Variants in SLC20A2 observed in about 807,000 individuals in gnomAD.
The protein encoded by SLC20A2 is solute carrier family 20 member 2.
A neutral mutation model predicts 61.0 loss-of-function variants in SLC20A2; 30 were observed. The observed-to-expected ratio is 0.49, with a 90% CI of 0.37 to 0.67. The LOEUF (loss-of-function observed/expected upper bound fraction) is 0.67. SLC20A2 is among the 30% of genes least tolerant of loss of function. The pLI, the probability that SLC20A2 is intolerant of heterozygous loss-of-function variation, is 0.00. For missense variants in SLC20A2, 626 were observed against 866.4 expected (o/e 0.72, Z 3.48); for synonymous variants, 351 against 353.3 (o/e 0.99, Z 0.07).
intron 3 of SLC20A2, among the ~76,000 whole-genome samples, chr8:42,465,527 A>G (rs979191982): frequency 2.6e-5 from 4 of 151,832 alleles, no homozygotes; most frequent in African/African-American, 9.7e-5. Context: ...CCTCATCTCT[A>G]CTAAAAATAC....
chr8:42,528,743 C>G (rs1326807396), intron 1 of SLC20A2, among the ~76,000 whole-genome samples: 1 of 151,714 alleles, frequency 6.6e-6, no homozygotes, highest in Non-Finnish European at 1.5e-5. Flanking sequence ...CTTGGCTTAC[C>G]ATAACCTCTG....
At chr8:42,515,848 A>G (rs1019884432) in intron 1 of SLC20A2, among the ~76,000 whole-genome samples, 1 of 152,212 alleles carries the variant, frequency 6.6e-6, no homozygotes, top group Non-Finnish European at 1.5e-5. Flanking sequence ...TATTGTTTCA[A>G]TTATCAAAGA....
intron 1 of SLC20A2, among the ~76,000 whole-genome samples, chr8:42,526,349 G>A (rs1811931529): frequency 6.6e-6 from 1 of 151,282 alleles, no homozygotes; most frequent in Non-Finnish European, 1.5e-5. Context: ...AACTGTCAAG[G>A]TCATTTAAAA....
rs551954825 is a variant in SLC20A2 at position 42,462,420 on chromosome 8, A to G, written c.516+585T>C. Among the ~76,000 whole-genome samples, 3 of 152,328 alleles carry G rather than the reference A, an allele frequency of 2.0e-5. No homozygotes were observed. In the South Asian group the frequency reaches 6.2e-4, roughly 32 times the overall value. On this transcript the variant is annotated intron_variant, in intron 4 of 10. Coordinates refer to ENST00000520262, the MANE Select transcript of SLC20A2 (RefSeq NM_001257180.2). ...AGCATGCACTCAATAGTTATCAAAC[A>G]CTGCAGCAACCCTGTGACTGCCAAA... is the stretch of plus-strand genomic sequence containing the variant.
Position 42,439,587 on chromosome 8 carries a change from G to A in SLC20A2, c.797C>T (p.Ala266Val). The A allele has an allele frequency of 6.2e-7, 1 of 1,614,186 alleles. No homozygotes were observed. The highest frequency in any genetic ancestry group is 8.5e-7 in the Non-Finnish European group (1 of 1,180,004). The change falls in exon 7 of 11, where the codon GCA (alanine) becomes GTA (valine). Residue 266 changes from alanine (A) to valine (V), a missense_variant. Coordinates refer to ENST00000520262, the MANE Select transcript of SLC20A2 (RefSeq NM_001257180.2). Reference protein sequence around the residue: ...SDESLSKVQEAESPVFKELPG... With the variant: ...SDESLSKVQEVESPVFKELPG... ...TAGCTCTTTAAATACTGGGGACTCT[G>A]CTTCCTGAACCTTACTGAGGCTTTC...
intron 1 of SLC20A2, among the ~76,000 whole-genome samples, chr8:42,482,068 A>AG (rs1278981823): frequency 1.3e-5 from 2 of 152,264 alleles, no homozygotes; most frequent in East Asian, 1.9e-4. Flanking sequence ...AATTAAAATG[A>AG]GAAAAAGTTA....
intron 5 of SLC20A2, among the ~76,000 whole-genome samples, chr8:42,455,094 G>A (rs549814641): frequency 5.3e-5 from 8 of 151,364 alleles, no homozygotes; most frequent in South Asian, 2.1e-4. Flanking sequence ...GTGTGGTGGC[G>A]TGCGTCTTGT....
At chr8:42,436,900 G>T (rs991964807) in intron 8 of SLC20A2, 89 bp downstream of exon 8, 14 of 1,226,050 alleles carry the variant, frequency 1.1e-5, no homozygotes, top group Non-Finnish European at 1.6e-5. Context: ...CATCGGTGCC[G>T]TTCACTGCTG....
intron 1 of SLC20A2, among the ~76,000 whole-genome samples, chr8:42,477,323 T>C (rs549618212): frequency 1.3e-5 from 2 of 152,238 alleles, no homozygotes; most frequent in African/African-American, 4.8e-5. Context: ...AGGATCTTTC[T>C]CAGGCAGCCC....
chr8:42,425,818 G>A (rs1188924832), intron 10 of SLC20A2, among the ~76,000 whole-genome samples: 4 of 151,776 alleles, frequency 2.6e-5, no homozygotes, highest in East Asian at 1.9e-4. Context: ...TGAGGCGGGC[G>A]GATCACGAGG....
chr8:42,468,342 GGA>G (rs1469025806), intron 2 of SLC20A2, among the ~76,000 whole-genome samples: 1 of 152,186 alleles, frequency 6.6e-6, no homozygotes, highest in Non-Finnish European at 1.5e-5. Context: ...TCCTGGAGGA[GGA>G]GAGTTTGTAA....
chr8:42,521,832 C>T (rs1186052178), intron 1 of SLC20A2, among the ~76,000 whole-genome samples: 6 of 120,762 alleles, frequency 5.0e-5, no homozygotes, highest in African/African-American at 1.3e-4. Flanking sequence ...CAAATCTACA[C>T]GTGATCAAAT....
rs11350697 is a variant in SLC20A2, at chr8:42,476,084, C to CTTT, written c.-264-3433_-264-3431dup. On this transcript the variant is annotated intron_variant, in intron 1 of 10. Transcript: ENST00000520262. The stretch of plus-strand genomic sequence containing the variant: ...GGTGAAGTAGCCGGGTTTACTGTGT[C>CTTT]TTTTTTTTTTTTTTTTTTTTTTTTT... Among the ~76,000 whole-genome samples, 11 of 42,102 alleles carry CTTT rather than the reference C, an allele frequency of 2.6e-4. 1 individual carries two copies. The East Asian group carries it at 3.2e-3, about 12-fold the overall frequency. The allele number at this position is 42,102 out of a possible 152,430, so 27.6% of individuals were successfully genotyped here.
intron 1 of SLC20A2, among the ~76,000 whole-genome samples, chr8:42,511,552 G>A (rs1262610575): frequency 6.6e-6 from 1 of 151,818 alleles, no homozygotes; most frequent in South Asian, 2.1e-4. Flanking sequence ...GCTTGAACCT[G>A]GGAGGCAAAG....
intron 1 of SLC20A2, among the ~76,000 whole-genome samples, chr8:42,520,107 G>A (rs112477844): frequency 0.012 from 1,770 of 144,706 alleles, 40 homozygotes; most frequent in African/African-American, 0.044. Context: ...TCCATCTCCC[G>A]GGTTCAAGCA....
At chr8:42,432,789 A>G (rs561673737) in intron 8 of SLC20A2, among the ~76,000 whole-genome samples, 1 of 152,330 alleles carries the variant, frequency 6.6e-6, no homozygotes, top group African/African-American at 2.4e-5. Context: ...TGCTAGCATT[A>G]TTTTTTAGCA....
At chr8:42,448,536 T>C (rs1258925072) in intron 5 of SLC20A2, among the ~76,000 whole-genome samples, 2 of 152,212 alleles carry the variant, frequency 1.3e-5, no homozygotes, top group African/African-American at 4.8e-5. Context: ...CTTCTCACCC[T>C]GTGCTTCGAC....
intron 1 of SLC20A2, among the ~76,000 whole-genome samples, chr8:42,474,913 C>T (rs894235519): frequency 4.3e-5 from 5 of 116,938 alleles, no homozygotes; most frequent in South Asian, 3.2e-4. Context: ...GCCAGAGTCA[C>T]GCTGGGCCTG....
chr8:42,516,498 GC>G (rs1811330128), intron 1 of SLC20A2, among the ~76,000 whole-genome samples: 1 of 152,302 alleles, frequency 6.6e-6, no homozygotes, highest in African/African-American at 2.4e-5. Flanking sequence ...CTCTAGGGCA[GC>G]GCATCCTATT....
Sources: gnomAD v4.1 joint callset for allele counts (sites outside exome capture counted in the v4.1 genomes callset) on GRCh38, gnomAD v4.1.1 for gene constraint, MANE v1.5 for transcripts, NCBI Gene and HGNC (gene_info 2026-07-23, HGNC 2026-07-21) for gene names.